MRE11: variants seen among roughly 807,000 people sequenced by gnomAD.
MRE11 encodes the protein MRE11 double strand break repair nuclease, also known as double-strand break repair protein MRE11.
In MRE11, 62 loss-of-function variants were observed where a neutral mutation model predicts 91.7. The observed-to-expected ratio is 0.68, with a 90% CI of 0.55 to 0.84. The LOEUF (loss-of-function observed/expected upper bound fraction) is 0.84. Ranked by LOEUF, MRE11 falls within the 40% of genes least tolerant of loss-of-function variation. The pLI is 0.00. For missense variants in MRE11, 796 were observed against 852.9 expected (o/e 0.93, Z 0.83); for synonymous variants, 273 against 271.4 (o/e 1.01, Z -0.06).
intron 7 of MRE11, among the ~76,000 whole-genome samples, chr11:94,476,030 C>A (rs1946844608): frequency 6.6e-6 from 1 of 152,132 alleles, no homozygotes; most frequent in South Asian, 2.1e-4. Context: ...GATAATCCAA[C>A]AAAAAGATTC....
intron 16 of MRE11, among the ~76,000 whole-genome samples, chr11:94,443,584 T>C (rs1048669577): frequency 7.2e-5 from 11 of 152,174 alleles, no homozygotes; most frequent in Non-Finnish European, 1.0e-4. Flanking sequence ...TTCTATCAGA[T>C]GAGAAACTTA....
chr11:94,418,402 A>G lies in MRE11; in HGVS notation c.*1723T>C, dbSNP rs1945079348. 1 of 232,386 alleles carries G rather than the reference A, an allele frequency of 4.3e-6. No individual in the cohort carries two copies. Among genetic ancestry groups the G allele is most frequent in the African/African-American group, 2.2e-5 (1 of 45,246 alleles). 14.4% of individuals were successfully genotyped at this position (232,386 alleles called of 1,614,324 possible). A position where few individuals can be genotyped will look rare whatever the true frequency, so the allele number is the denominator to read the frequency against. The stretch of plus-strand genomic sequence containing the variant: ...AGCAATTTTTTTTTTTTTAAGGAAA[A>G]AAACTTTATTCCTTTTTTCCTAGGA... On this transcript the variant is annotated 3_prime_UTR_variant, in exon 20 of 20. Coordinates refer to ENST00000323929, the MANE Select transcript of MRE11 (RefSeq NM_005591.4).
At chr11:94,458,489 A>C (rs184242221) in intron 13 of MRE11, among the ~76,000 whole-genome samples, 2 of 152,308 alleles carry the variant, frequency 1.3e-5, no homozygotes, top group East Asian at 3.9e-4. Context: ...ATATGTACCA[A>C]CATTTATTGT....
intron 16 of MRE11, among the ~76,000 whole-genome samples, chr11:94,438,908 G>GTA (rs1945699493): frequency 6.6e-6 from 1 of 152,164 alleles, no homozygotes; most frequent in Non-Finnish European, 1.5e-5. Flanking sequence ...AGCTGTTTGG[G>GTA]TAGCAAACAT....
At chr11:94,476,174 A>C (rs770646555) in intron 7 of MRE11, 115 bp downstream of exon 7, 1 of 698,168 alleles carries the variant, frequency 1.4e-6, no homozygotes, top group Non-Finnish European at 2.6e-6. Context: ...GTTTTGTCTG[A>C]TCTTGCATTG....
In MRE11 at chr11:94,493,838, G is replaced by C. The variant is rs936911494; in HGVS notation, c.-153C>G. 6.6e-6 allele frequency: 1 copy of C among 152,212 alleles called. No homozygotes were observed. The highest frequency in any genetic ancestry group is 1.5e-5 in the Non-Finnish European group (1 of 68,074). The allele number at this position is 152,212 out of a possible 1,614,324, so 9.4% of individuals were successfully genotyped here. A position where few individuals can be genotyped will look rare whatever the true frequency, so the allele number is the denominator to read the frequency against. The stretch of plus-strand genomic sequence containing the variant: ...AAACCTGAATTCCGCGGGAGAGAAC[G>C]GCGTCCGTTTCTCTCGCGACACTTC... On this transcript the variant is annotated 5_prime_UTR_variant, in exon 1 of 20. Coordinates refer to ENST00000323929, the MANE Select transcript of MRE11 (RefSeq NM_005591.4).
intron 10 of MRE11, 48 bp from the exon 11 acceptor site, chr11:94,464,287 A>C (rs752295594): frequency 6.2e-7 from 1 of 1,612,192 alleles, no homozygotes; most frequent in Non-Finnish European, 8.5e-7. Flanking sequence ...ACAATTTGCC[A>C]ATTTTTAAAA....
chr11:94,512,206 A>T, the MRE11 span, among the ~76,000 whole-genome samples: 13 of 152,318 alleles, frequency 8.5e-5, no homozygotes, highest in South Asian at 2.7e-3. Flanking sequence ...ATGAGGCCTT[A>T]TGCAGTTTCC....
At chr11:94,464,067 A>G (rs759768800) in intron 11 of MRE11, 46 bp downstream of exon 11, 1 of 1,590,360 alleles carries the variant, frequency 6.3e-7, no homozygotes, top group Non-Finnish European at 8.6e-7. Context: ...TTCCTTCACA[A>G]ATCCTATAAG....
chr11:94,447,290 C>A lies in MRE11; in HGVS notation c.1712G>T (p.Gly571Val), dbSNP rs1353073328. The change falls in exon 15 of 20, where the codon GGC (glycine) becomes GTC (valine). Residue 571 changes from glycine to valine, a missense_variant. Physicochemically the swap from Gly to Val is moderately radical, Grantham distance 109 (BLOSUM62 -3). Transcript: ENST00000323929. ...SISAATNKGR[G>V]RGRGRRGGRG... ...TCCACCTCTTCGACCTCTTCCTCGG[C>A]CTCTTCCTTTGTTGGTTGCTGCTGA... 6.2e-7 allele frequency: 1 copy of A among 1,614,074 alleles called. No individual in the cohort carries two copies. Among genetic ancestry groups the A allele is most frequent in the African/African-American group, 1.3e-5 (1 of 75,016 alleles).
At chr11:94,466,665 C>G (rs115685251) in intron 10 of MRE11, 325 of 296,582 alleles carry the variant, frequency 1.1e-3, no homozygotes, top group African/African-American at 6.8e-3. Flanking sequence ...TCTGGCTCTA[C>G]ACTGTACTCT....
intron 14 of MRE11, 93 bp from the exon 15 acceptor site, chr11:94,447,531 T>C: frequency 1.6e-6 from 2 of 1,259,418 alleles, no homozygotes; most frequent in Non-Finnish European, 1.1e-6. Context: ...CTAATCATAC[T>C]ATAAAAACAT....
At chr11:94,503,492 A>G in the MRE11 span, among the ~76,000 whole-genome samples, 1 of 152,192 alleles carries the variant, frequency 6.6e-6, no homozygotes, top group South Asian at 2.1e-4. Context: ...GATCAAGACC[A>G]TCCTGGCCAA....
At chr11:94,472,544 T>A (rs1946744832) in intron 7 of MRE11, among the ~76,000 whole-genome samples, 2 of 152,134 alleles carry the variant, frequency 1.3e-5, no homozygotes, top group South Asian at 4.1e-4. Flanking sequence ...AACAAAGTCC[T>A]TGTTCTAGTG....
At chr11:94,440,432 A>C (rs1282828046) in intron 16 of MRE11, among the ~76,000 whole-genome samples, 1 of 147,094 alleles carries the variant, frequency 6.8e-6, no homozygotes, top group Non-Finnish European at 1.5e-5. Flanking sequence ...CAAACATTTA[A>C]AAAAAAAAAA....
At chr11:94,460,849 G>A in intron 12 of MRE11, 87 bp downstream of exon 12, 1 of 1,091,902 alleles carries the variant, frequency 9.2e-7, no homozygotes. Flanking sequence ...GATTCATTTT[G>A]TTTAAACTAT....
intron 9 of MRE11, among the ~76,000 whole-genome samples, chr11:94,469,883 T>C (rs1033169988): frequency 1.3e-5 from 2 of 152,172 alleles, no homozygotes; most frequent in African/African-American, 4.8e-5. Context: ...GTGATGCTAA[T>C]TAAGCTGTCA....
chr11:94,448,459 T>C (rs1051851404), intron 14 of MRE11, among the ~76,000 whole-genome samples: 2 of 150,598 alleles, frequency 1.3e-5, no homozygotes, highest in Non-Finnish European at 3.0e-5. Flanking sequence ...TAGCCAGGTG[T>C]GATGGCATGC....
At chr11:94,433,979 A>G (rs1945532321) in intron 18 of MRE11, among the ~76,000 whole-genome samples, 1 of 152,114 alleles carries the variant, frequency 6.6e-6, no homozygotes, top group South Asian at 2.1e-4. Context: ...ACACCAGATC[A>G]TTTCCTTTAA....
Sources: gnomAD v4.1 joint callset for allele counts (sites outside exome capture counted in the v4.1 genomes callset) on GRCh38, gnomAD v4.1.1 for gene constraint, MANE v1.5 for transcripts, NCBI Gene and HGNC (gene_info 2026-07-23, HGNC 2026-07-21) for gene names.